The following CFAP95 variants were observed in gnomAD, a reference collection of about 807,000 sequenced individuals.
CFAP95 encodes the protein cilia- and flagella-associated protein 95.
chr9:69,880,306 G>C, the CFAP95 span, among the ~76,000 whole-genome samples: 1 of 152,020 alleles, frequency 6.6e-6, no homozygotes, highest in African/African-American at 2.4e-5. Context: ...TCCCTGCCCT[G>C]ACTATCCTTC....
chr9:69,839,796 C>T, the CFAP95 span, among the ~76,000 whole-genome samples: 3 of 151,484 alleles, frequency 2.0e-5, no homozygotes, highest in Non-Finnish European at 2.9e-5. Flanking sequence ...CATTTTTTGG[C>T]CAGGCGCAGT....
At chr9:69,883,226 G>A in the CFAP95 span, among the ~76,000 whole-genome samples, 38 of 152,298 alleles carry the variant, frequency 2.5e-4, no homozygotes, top group East Asian at 6.8e-3. Context: ...GCTTCTGGCC[G>A]ATTTCCGTCA....
chr9:69,878,133 G>A, the CFAP95 span, among the ~76,000 whole-genome samples: 1 of 152,150 alleles, frequency 6.6e-6, no homozygotes, highest in East Asian at 1.9e-4. Context: ...GTGAAACATA[G>A]GAGGGAGTGA....
the CFAP95 span, among the ~76,000 whole-genome samples, chr9:69,891,797 G>A: frequency 1.3e-5 from 2 of 151,980 alleles, no homozygotes; most frequent in African/African-American, 4.8e-5. Context: ...TGTATTTTAT[G>A]GCCATGTGAT....
the CFAP95 span, among the ~76,000 whole-genome samples, chr9:69,888,001 T>A: frequency 7.2e-5 from 11 of 152,204 alleles, no homozygotes; most frequent in African/African-American, 2.7e-4. Context: ...CCATTATCTG[T>A]TTGTTTTAAA....
chr9:69,846,993 A>G, the CFAP95 span, among the ~76,000 whole-genome samples: 1 of 152,156 alleles, frequency 6.6e-6, no homozygotes. Context: ...GGAACCACTC[A>G]GAGAGATTAA....
the CFAP95 span, among the ~76,000 whole-genome samples, chr9:69,874,755 A>C: frequency 6.6e-6 from 1 of 152,184 alleles, no homozygotes; most frequent in African/African-American, 2.4e-5. Context: ...AATCCCAAAG[A>C]GGGCCCTGAT....
chr9:69,892,917 CGATAAAAT>C, the CFAP95 span, among the ~76,000 whole-genome samples: 3 of 152,248 alleles, frequency 2.0e-5, no homozygotes, highest in Admixed American at 6.5e-5. Context: ...TTCCACTGCT[CGATAAAAT>C]GCTCCACATT....
At chr9:69,841,164 T>TTATATATATATATATATATATATATCTA in the CFAP95 span, among the ~76,000 whole-genome samples, 2 of 56,078 alleles carry the variant, frequency 3.6e-5, no homozygotes, top group East Asian at 1.4e-3. Context: ...CCAAGCTGGA[T>TTATATATATATATATATATATATATCTA]TATATATATA....
chr9:69,896,581 C>T, the CFAP95 span, among the ~76,000 whole-genome samples: 1 of 152,182 alleles, frequency 6.6e-6, no homozygotes, highest in Non-Finnish European at 1.5e-5. Flanking sequence ...AATGCTTCTC[C>T]CTCCTAAAAC....
the CFAP95 span, among the ~76,000 whole-genome samples, chr9:69,836,733 A>AT: frequency 2.9e-5 from 2 of 69,004 alleles, no homozygotes; most frequent in Non-Finnish European, 6.5e-5. Context: ...TTATTTATTT[A>AT]TTTTTTATTA....
At chr9:69,895,363 C>CTGTGTGTGTGTGTG in the CFAP95 span, among the ~76,000 whole-genome samples, 3 of 90,142 alleles carry the variant, frequency 3.3e-5, no homozygotes, top group African/African-American at 7.7e-5. Context: ...CTCTCTCTCT[C>CTGTGTGTGTGTGTG]TCTCTCTGTG....
At chr9:69,839,536 C>T in the CFAP95 span, among the ~76,000 whole-genome samples, 32 of 152,022 alleles carry the variant, frequency 2.1e-4, no homozygotes, top group Non-Finnish European at 4.0e-4. Context: ...AAGCGATTCT[C>T]ATGCCTCAGG....
the CFAP95 span, among the ~76,000 whole-genome samples, chr9:69,890,490 CTT>C: frequency 1.3e-5 from 2 of 152,280 alleles, no homozygotes; most frequent in South Asian, 2.1e-4. Flanking sequence ...ATACAAATAA[CTT>C]TTGATTATAA....
the CFAP95 span, among the ~76,000 whole-genome samples, chr9:69,873,241 T>C: frequency 3.3e-3 from 495 of 152,264 alleles, 6 homozygotes; most frequent in African/African-American, 0.011. Context: ...CACTCTTCTC[T>C]CCATGTTGCC....
chr9:69,833,048 CT>C, the CFAP95 span, among the ~76,000 whole-genome samples: 3 of 152,044 alleles, frequency 2.0e-5, no homozygotes, highest in Non-Finnish European at 4.4e-5. Flanking sequence ...ACAAATCACC[CT>C]TTTAAAGTGT....
the CFAP95 span, among the ~76,000 whole-genome samples, chr9:69,831,213 T>C: frequency 6.6e-6 from 1 of 152,158 alleles, no homozygotes; most frequent in Non-Finnish European, 1.5e-5. Flanking sequence ...CATTTATCTA[T>C]TGCAAAGTAA....
At chr9:69,822,235 G>A in the CFAP95 span, among the ~76,000 whole-genome samples, 1 of 152,118 alleles carries the variant, frequency 6.6e-6, no homozygotes, top group Admixed American at 6.5e-5. Flanking sequence ...TTATGTTTTT[G>A]CTTTTGAAAG....
the CFAP95 span, among the ~76,000 whole-genome samples, chr9:69,888,466 A>G: frequency 6.6e-6 from 1 of 152,208 alleles, no homozygotes; most frequent in Non-Finnish European, 1.5e-5. Flanking sequence ...AAAGTAGGAA[A>G]TATAATCAAC....
Sources: gnomAD v4.1 joint callset for allele counts (sites outside exome capture counted in the v4.1 genomes callset) on GRCh38, gnomAD v4.1.1 for gene constraint, MANE v1.5 for transcripts, NCBI Gene and HGNC (gene_info 2026-07-23, HGNC 2026-07-21) for gene names.